Variants in NRXN1 observed in about 807,000 individuals in gnomAD.
NRXN1 encodes the protein neurexin 1.
In NRXN1, 39 loss-of-function variants were observed where a neutral mutation model predicts 150.9. That is an observed-to-expected ratio of 0.26 (90% CI 0.20 to 0.34). The LOEUF (loss-of-function observed/expected upper bound fraction) is 0.34, where lower values mean the gene tolerates loss of function less well. NRXN1 is among the 10% of genes least tolerant of loss of function. NRXN1 has a pLI of 1.00. For missense variants in NRXN1, 1,815 were observed against 1,949.9 expected (o/e 0.93, Z 1.30); for synonymous variants, 924 against 757.0 (o/e 1.22, Z -3.62).
At chr2:50,105,680 T>C (rs1177984602) in intron 18 of NRXN1, among the ~76,000 whole-genome samples, 3 of 152,004 alleles carry the variant, frequency 2.0e-5, no homozygotes, top group Non-Finnish European at 4.4e-5. Context: ...AAATGAGAGA[T>C]TTAGTTGTAG....
At chr2:50,538,990 C>A (rs556705482) in intron 9 of NRXN1, among the ~76,000 whole-genome samples, 2 of 152,146 alleles carry the variant, frequency 1.3e-5, no homozygotes, top group South Asian at 4.2e-4. Flanking sequence ...AGTCAGATTC[C>A]CCTGGGTTAG....
At chr2:50,568,899 C>G (rs1670248661) in intron 8 of NRXN1, among the ~76,000 whole-genome samples, 1 of 151,998 alleles carries the variant, frequency 6.6e-6, no homozygotes, top group Non-Finnish European at 1.5e-5. Context: ...CCTAAGTGTC[C>G]ACCAACAGAC....
At position 50,320,285 on chromosome 2, in the gene NRXN1, TATATA is replaced by T. The variant is rs2075924269; in HGVS notation, c.3365-83320_3365-83316del. Among the ~76,000 whole-genome samples, 183 of 57,668 alleles carry T rather than the reference TATATA, an allele frequency of 3.2e-3. 7 individuals are homozygous for T. Among genetic ancestry groups the T allele is most frequent in the African/African-American group, 0.011 (172 of 15,662 alleles). The allele number at this position is 57,668 out of a possible 152,430, so 37.8% of individuals were successfully genotyped here. A position where few individuals can be genotyped will look rare whatever the true frequency, so the allele number is the denominator to read the frequency against. ...TTCATTTATTCTTATACCTCAATCA[TATATA>T]TATATATATATATATATATATATAT... On this transcript the variant is annotated intron_variant, in intron 17 of 22. Transcript: ENST00000401669.
chr2:50,386,307 T>C (rs973867121), intron 17 of NRXN1, among the ~76,000 whole-genome samples: 1 of 152,132 alleles, frequency 6.6e-6, no homozygotes, highest in Admixed American at 6.6e-5. Context: ...GTGCAAAATA[T>C]TGGAGATTTG....
At chr2:50,305,459 T>C (rs770551561) in intron 17 of NRXN1, among the ~76,000 whole-genome samples, 2 of 152,182 alleles carry the variant, frequency 1.3e-5, no homozygotes, top group Admixed American at 6.6e-5. Flanking sequence ...AGATTTAAAA[T>C]TTAAAAATTC....
In NRXN1 at chr2:50,344,524, A is replaced by G. The variant is rs1204138328; in HGVS notation, c.3365-107554T>C. The stretch of plus-strand genomic sequence containing the variant: ...AGGAAACAGAAAGTTCTTTGACCCA[A>G]AAGAATAATACCAACCACTATACAC... On this transcript the variant is annotated intron_variant, in intron 17 of 22. Transcript: ENST00000401669. Among the ~76,000 whole-genome samples, 4 of 152,200 alleles carry G rather than the reference A, an allele frequency of 2.6e-5. No individual in the cohort carries two copies. The East Asian group carries it at 7.7e-4, about 29-fold the overall frequency.
chr2:50,448,869 CAAAAT>C lies in NRXN1; in HGVS notation c.3364+16568_3364+16572del, dbSNP rs1367265003. Among the ~76,000 whole-genome samples the C allele has an allele frequency of 5.9e-5, 9 of 152,018 alleles. No individual in the cohort carries two copies. In the East Asian group the frequency reaches 1.7e-3, roughly 29 times the overall value. On this transcript the variant is annotated intron_variant, in intron 17 of 22. Coordinates refer to ENST00000401669, the MANE Select transcript of NRXN1 (RefSeq NM_001330078.2). ...AGAGCAATTCTAACACTAAAATATACAAAATAAAATAAAATAAATAAATAAAAGAA... is the reference window on the plus strand; with the variant it reads ...AGAGCAATTCTAACACTAAAATATACAAAATAAAATAAATAAATAAAAGAA...
intron 5 of NRXN1, among the ~76,000 whole-genome samples, chr2:50,836,449 C>G (rs888236461): frequency 6.6e-6 from 1 of 151,972 alleles, no homozygotes; most frequent in East Asian, 1.9e-4. Context: ...AAACTTTGTA[C>G]TCTTTAATCA....
At chr2:50,986,529 T>C (rs190808709) in intron 2 of NRXN1, among the ~76,000 whole-genome samples, 2 of 151,740 alleles carry the variant, frequency 1.3e-5, no homozygotes. Context: ...ATTTCATGTG[T>C]TGTTACATTG....
At chr2:50,475,854 G>T (rs572430399) in intron 15 of NRXN1, among the ~76,000 whole-genome samples, 1 of 142,816 alleles carries the variant, frequency 7.0e-6, no homozygotes, top group Non-Finnish European at 1.5e-5. Context: ...TTCTCTTTTT[G>T]ATCCTTGAAG....
intron 21 of NRXN1, among the ~76,000 whole-genome samples, chr2:49,959,771 T>C (rs1017942227): frequency 1.3e-5 from 2 of 152,218 alleles, no homozygotes; most frequent in African/African-American, 4.8e-5. Flanking sequence ...TTGGCTATTA[T>C]CACCTTCATT....
chr2:50,673,352 A>G (rs1290349881), intron 5 of NRXN1, among the ~76,000 whole-genome samples: 2 of 152,114 alleles, frequency 1.3e-5, no homozygotes, highest in Non-Finnish European at 2.9e-5. Flanking sequence ...TAAATTATAT[A>G]TGTATTTGAA....
At chr2:50,605,532 T>C (rs558703497) in intron 8 of NRXN1, among the ~76,000 whole-genome samples, 230 of 152,240 alleles carry the variant, frequency 1.5e-3, no homozygotes, top group Middle Eastern at 0.01. Context: ...TGTAAAAAGA[T>C]ACCCAACGTC....
intron 17 of NRXN1, among the ~76,000 whole-genome samples, chr2:50,247,337 A>T (rs1417150834): frequency 6.6e-6 from 1 of 152,118 alleles, no homozygotes; most frequent in East Asian, 1.9e-4. Flanking sequence ...AAAATTCTGC[A>T]TATTTTACAG....
rs781380933 is a variant in NRXN1 at position 49,922,055 on chromosome 2, G to C, written c.4413C>G (p.Tyr1471Ter). The C allele has an allele frequency of 1.2e-6, 2 of 1,613,996 alleles. No individual in the cohort carries two copies. The highest frequency in any genetic ancestry group is 1.7e-6 in the Non-Finnish European group (2 of 1,180,030). Residue 1471 changes from tyrosine to a stop codon, truncating the protein, a stop_gained, in exon 23 of 23, where the codon TAC (tyrosine) becomes TAG (stop). Transcript: ENST00000401669. LOFTEE classifies it high-confidence loss of function. ...CATTGGACTGTGCTGAGTTACTGAT[G>C]TAGTTTCGACTCTCGTCCACATGGT... The part of the protein sequence containing the change: ...GSYHVDESRN[Y>*]ISNSAQSNGA...
chr2:50,988,667 T>C (rs1225967590), intron 2 of NRXN1, among the ~76,000 whole-genome samples: 1 of 151,920 alleles, frequency 6.6e-6, no homozygotes, highest in Non-Finnish European at 1.5e-5. Flanking sequence ...TTGAGATAAC[T>C]GAGATAAAAC....
At chr2:50,966,503 G>A (rs1471512619) in intron 2 of NRXN1, among the ~76,000 whole-genome samples, 1 of 151,608 alleles carries the variant, frequency 6.6e-6, no homozygotes, top group South Asian at 2.1e-4. Context: ...TACATCTCTG[G>A]AAAAGAGCAC....
At chr2:50,343,145 C>T (rs2077674291) in intron 17 of NRXN1, among the ~76,000 whole-genome samples, 1 of 152,194 alleles carries the variant, frequency 6.6e-6, no homozygotes, top group African/African-American at 2.4e-5. Flanking sequence ...AATATAATTT[C>T]CAGAGCTCAT....
rs114207500 is a variant in NRXN1 at position 49,966,387 on chromosome 2, A to G, written c.4129-22596T>C. 3.9e-3 allele frequency among the ~76,000 whole-genome samples: 588 copies of G among 152,296 alleles called. 4 individuals carry two copies. Among genetic ancestry groups the G allele is most frequent in the African/African-American group, 0.014 (562 of 41,582 alleles). ...GACAATTTTTCTGGCACTACCTTCA[A>G]AATAAAAATTTTCAATATGAAAATC... On this transcript the variant is annotated intron_variant, in intron 21 of 22. Coordinates refer to ENST00000401669, the MANE Select transcript of NRXN1 (RefSeq NM_001330078.2).
Sources: allele counts gnomAD v4.1 joint callset (sites outside exome capture counted in the v4.1 genomes callset), GRCh38; gene constraint gnomAD v4.1.1; transcripts MANE v1.5; gene names NCBI Gene and HGNC (gene_info 2026-07-23, HGNC 2026-07-21).